Variants in IFT46 observed in about 807,000 individuals in gnomAD.
IFT46 encodes intraflagellar transport protein 46 homolog.
A neutral mutation model predicts 39.6 loss-of-function variants in IFT46; 19 were observed. That is an observed-to-expected ratio of 0.48 (90% CI 0.33 to 0.70). IFT46 has a LOEUF of 0.70. Ranked by LOEUF, IFT46 falls within the 30% of genes least tolerant of loss-of-function variation. The pLI, the probability that IFT46 is intolerant of heterozygous loss-of-function variation, is 0.01. For missense variants in IFT46, 334 were observed against 364.8 expected (o/e 0.92, Z 0.69); for synonymous variants, 117 against 134.8 (o/e 0.87, Z 0.91).
upstream of IFT46, among the ~76,000 whole-genome samples, chr11:118,575,100 T>G (rs1040806080): frequency 2.2e-4 from 33 of 152,212 alleles, no homozygotes; most frequent in African/African-American, 6.3e-4. Flanking sequence ...TGCCTCAGCC[T>G]CCTGAGTAGC....
chr11:118,560,440 G>A (rs1246009752), intron 2 of IFT46: 1 of 130,470 alleles, frequency 7.7e-6, no homozygotes, highest in African/African-American at 4.8e-5. Context: ...GGAATGGGAG[G>A]GGAAGGGAGG....
intron 4 of IFT46, among the ~76,000 whole-genome samples, chr11:118,556,229 C>T (rs1033705587): frequency 2.6e-5 from 4 of 152,254 alleles, no homozygotes; most frequent in Non-Finnish European, 4.4e-5. Flanking sequence ...CAGTGGCTCA[C>T]GCCTGTAATC....
At chr11:118,560,682 TC>T in intron 2 of IFT46, 2 of 566,462 alleles carry the variant, frequency 3.5e-6, no homozygotes, top group South Asian at 3.6e-5. Flanking sequence ...GGGTCTCTGT[TC>T]CGCAGAATGG....
upstream of IFT46, among the ~76,000 whole-genome samples, chr11:118,575,411 GGTGT>G (rs56934953): frequency 1.7e-3 from 247 of 149,182 alleles, no homozygotes; most frequent in African/African-American, 5.5e-3. Flanking sequence ...ACTGATAACG[GGTGT>G]GTGTGTGTGT....
chr11:118,544,944 C>G lies in IFT46; in HGVS notation c.887G>C (p.Gly296Ala). Residue 296 changes from glycine to alanine, a missense_variant, in exon 12 of 12, where the codon GGA (glycine) becomes GCA (alanine). Gly to Ala is a moderately conservative substitution (Grantham distance 60, BLOSUM62 0). Transcript: ENST00000264021. ...GCTGAAGGTTAATGTCTCCATGTCT[C>G]CAGCTTGGGAGGTGGAATTGGATGA... ...TPSSNSTSQA[G>A]DMETLTFS 1 of 1,613,634 alleles carries G rather than the reference C, an allele frequency of 6.2e-7. No individual in the cohort carries two copies. The highest frequency in any genetic ancestry group is 8.5e-7 in the Non-Finnish European group (1 of 1,179,730).
At chr11:118,559,674 T>C in intron 3 of IFT46, 111 bp downstream of exon 3, 1 of 842,044 alleles carries the variant, frequency 1.2e-6, no homozygotes, top group South Asian at 1.4e-5. Flanking sequence ...CAAAGGTCCC[T>C]AACCCCTGGA....
chr11:118,544,906 G>A lies in IFT46; in HGVS notation c.*10C>T. ...CAGCTCAGCCTTGAAACAGCAGCTT[G>A]GGAAGTGTCTCAGCTGAAGGTTAAT... On this transcript the variant is annotated 3_prime_UTR_variant, in exon 12 of 12. Transcript: ENST00000264021. 6.3e-7 allele frequency: 1 copy of A among 1,594,348 alleles called. No individual in the cohort carries two copies. The highest frequency in any genetic ancestry group is 2.2e-5 in the East Asian group (1 of 44,802).
chr11:118,566,534 A>T (rs971717961), upstream of IFT46, among the ~76,000 whole-genome samples: 73 of 152,146 alleles, frequency 4.8e-4, no homozygotes, highest in African/African-American at 1.7e-3. Flanking sequence ...CTACTAAAAA[A>T]TTCAAAAAAT....
chr11:118,565,193 C>T (rs1303814732), intron 1 of IFT46, 132 bp from the exon 2 acceptor site: 4 of 152,154 alleles, frequency 2.6e-5, no homozygotes, highest in Admixed American at 1.3e-4. Flanking sequence ...ACCATCACCC[C>T]ATCCAAACTT....
upstream of IFT46, among the ~76,000 whole-genome samples, chr11:118,569,301 T>A (rs542227194): frequency 2.6e-5 from 4 of 151,858 alleles, no homozygotes; most frequent in East Asian, 7.8e-4. Flanking sequence ...ATTTTTTTTT[T>A]TAAAATATTG....
intron 9 of IFT46, among the ~76,000 whole-genome samples, chr11:118,548,580 G>A (rs59176377): frequency 0.14 from 21,694 of 150,898 alleles, 2,208 homozygotes; most frequent in East Asian, 0.49. Context: ...GGCCAGGATG[G>A]TCTTGATCTC....
chr11:118,560,757 G>T, intron 2 of IFT46: 1 of 692,340 alleles, frequency 1.4e-6, no homozygotes, highest in South Asian at 1.5e-5. Context: ...TTTAGAAGAC[G>T]ACGAGAGGGT....
intron 2 of IFT46, among the ~76,000 whole-genome samples, chr11:118,564,348 G>C (rs1938158291): frequency 6.6e-6 from 1 of 152,078 alleles, no homozygotes; most frequent in Non-Finnish European, 1.5e-5. Flanking sequence ...CGGGATGGCA[G>C]GGACATTGTG....
At chr11:118,548,553 T>C (rs371344042) in intron 9 of IFT46, among the ~76,000 whole-genome samples, 4 of 148,924 alleles carry the variant, frequency 2.7e-5, no homozygotes, top group African/African-American at 1.0e-4. Flanking sequence ...TTAGTAGAGA[T>C]GGGGTTTCAC....
intron 9 of IFT46, chr11:118,547,415 T>C (rs1951711150): frequency 6.6e-6 from 1 of 152,172 alleles, no homozygotes; most frequent in Non-Finnish European, 1.5e-5. Context: ...TCTGTTTTGA[T>C]ACTTTAAAAA....
At chr11:118,561,748 AG>A (rs1938064397) in intron 2 of IFT46, among the ~76,000 whole-genome samples, 1 of 152,242 alleles carries the variant, frequency 6.6e-6, no homozygotes, top group African/African-American at 2.4e-5. Context: ...TTTATGTGCA[AG>A]GAACTGACCC....
At chr11:118,562,410 A>G (rs1286698108) in intron 2 of IFT46, among the ~76,000 whole-genome samples, 1 of 152,234 alleles carries the variant, frequency 6.6e-6, no homozygotes, top group Non-Finnish European at 1.5e-5. Flanking sequence ...ACCGCACTCC[A>G]GCCTGGGTGA....
intron 9 of IFT46, 96 bp downstream of exon 9, chr11:118,551,690 A>T: frequency 1.2e-6 from 1 of 840,810 alleles, no homozygotes; most frequent in Non-Finnish European, 1.9e-6. Flanking sequence ...AAAAAAAAAA[A>T]GTTACCAATA....
rs2135487144 is a variant in IFT46, at chr11:118,551,858, A to G, written c.606-6T>C. 2 of 1,613,440 alleles carry G rather than the reference A, an allele frequency of 1.2e-6. No individual in the cohort carries two copies. The highest frequency in any genetic ancestry group is 4.5e-5 in the East Asian group (2 of 44,868). On this transcript the variant is annotated splice_region_variant and splice_polypyrimidine_tract_variant and intron_variant, in intron 8 of 11. Coordinates refer to ENST00000264021, the MANE Select transcript of IFT46 (RefSeq NM_001168618.2). ...TGTCAATGTCGGGCATGGGCCTAAAAGTATAAAGGTAAATATGAACAAGAA... is the reference window on the plus strand; with the variant it reads ...TGTCAATGTCGGGCATGGGCCTAAAGGTATAAAGGTAAATATGAACAAGAA...
Sources: gnomAD v4.1 joint callset for allele counts (sites outside exome capture counted in the v4.1 genomes callset) on GRCh38, gnomAD v4.1.1 for gene constraint, MANE v1.5 for transcripts, NCBI Gene and HGNC (gene_info 2026-07-23, HGNC 2026-07-21) for gene names.